The following TTL variants were observed in gnomAD, a reference collection of about 807,000 sequenced individuals.
The protein encoded by TTL is tubulin tyrosine ligase, also known as tubulin--tyrosine ligase.
In TTL, 10 loss-of-function variants were observed where a neutral mutation model predicts 41.1. The ratio of observed to expected loss-of-function variants is 0.24; its 90% CI spans 0.15 to 0.41. The LOEUF (loss-of-function observed/expected upper bound fraction) is 0.41. TTL is among the 10% of genes least tolerant of loss of function. The pLI, the probability that TTL is intolerant of heterozygous loss-of-function variation, is 1.00. For missense variants in TTL, 367 were observed against 460.4 expected, an observed-to-expected ratio of 0.80 and a Z score of 1.86; for synonymous variants, 175 against 175.5, an observed-to-expected ratio of 1.00 and a Z score of 0.02.
intron 5 of TTL, among the ~76,000 whole-genome samples, chr2:112,509,635 C>T (rs909250061): frequency 6.6e-6 from 1 of 152,192 alleles, no homozygotes; most frequent in South Asian, 2.1e-4. Context: ...TGACCCCTTG[C>T]GCTTCCCAGG....
At chr2:112,498,765 CATG>C in intron 3 of TTL, among the ~76,000 whole-genome samples, 1 of 151,758 alleles carries the variant, frequency 6.6e-6, no homozygotes, top group East Asian at 2.0e-4. Context: ...ATTAGCCAGG[CATG>C]GTGGCGGGCG....
At chr2:112,518,707 CT>C (rs573698508) in intron 5 of TTL, among the ~76,000 whole-genome samples, 22 of 144,816 alleles carry the variant, frequency 1.5e-4, no homozygotes, top group Non-Finnish European at 3.2e-4. Flanking sequence ...CAGAATTTTG[CT>C]CTTTCACCCA....
At position 112,541,002 on chromosome 2, in the gene TTL, A is replaced by G. The variant is rs1682715956; in HGVS notation, c.*12207A>G. On this transcript the variant is annotated 3_prime_UTR_variant, in exon 7 of 7. Coordinates refer to ENST00000233336, the MANE Select transcript of TTL (RefSeq NM_153712.5). Reference sequence around the variant, plus strand: ...CTTCAAAAATAACTGAGGAAGTACAATTGGAATGTTCATGACAGAAATGAT... The same window carrying G: ...CTTCAAAAATAACTGAGGAAGTACAGTTGGAATGTTCATGACAGAAATGAT... The G allele has an allele frequency of 6.6e-6, 1 of 152,250 alleles. No individual in the cohort carries two copies. The highest frequency in any genetic ancestry group is 2.4e-5 in the African/African-American group (1 of 41,462). 9.4% of individuals were successfully genotyped at this position (152,250 alleles called of 1,614,324 possible).
rs1682566955 is a variant in TTL at position 112,534,638 on chromosome 2, G to A, written c.*5843G>A. The stretch of plus-strand genomic sequence containing the variant: ...CCCAGTGTGAACAACCTTTTCCCTG[G>A]GTGCATTTGTCAAAAAAAATCAACA... On this transcript the variant is annotated 3_prime_UTR_variant, in exon 7 of 7. Transcript: ENST00000233336. 1 of 152,030 alleles carries A rather than the reference G, an allele frequency of 6.6e-6. No individual in the cohort carries two copies. The highest frequency in any genetic ancestry group is 2.4e-5 in the African/African-American group (1 of 41,386). The allele number at this position is 152,030 out of a possible 1,614,324, so 9.4% of individuals were successfully genotyped here.
At chr2:112,513,305 C>T (rs898505873) in intron 5 of TTL, among the ~76,000 whole-genome samples, 2 of 151,972 alleles carry the variant, frequency 1.3e-5, no homozygotes, top group Non-Finnish European at 2.9e-5. Context: ...TTTATATTTA[C>T]CCAGATACTA....
In TTL at chr2:112,507,731, C is replaced by T. The variant is rs895727914; in HGVS notation, c.875+4550C>T. On this transcript the variant is annotated intron_variant, in intron 5 of 6. Coordinates refer to ENST00000233336, the MANE Select transcript of TTL (RefSeq NM_153712.5). Reference sequence around the variant, plus strand: ...GTGTCTCTGCACGTGAGATGGGTTTCCTGAATACAGCACACTGATGGGTCT... The same window carrying T: ...GTGTCTCTGCACGTGAGATGGGTTTTCTGAATACAGCACACTGATGGGTCT... Among the ~76,000 whole-genome samples the T allele has an allele frequency of 3.9e-3, 584 of 150,562 alleles. 1 individual carries two copies. The highest frequency in any genetic ancestry group is 5.5e-3 in the Non-Finnish European group (371 of 67,850).
intron 3 of TTL, among the ~76,000 whole-genome samples, chr2:112,497,896 T>C (rs892255195): frequency 6.6e-6 from 1 of 152,184 alleles, no homozygotes; most frequent in Non-Finnish European, 1.5e-5. Context: ...TTTATTAAAA[T>C]GGTTATAATA....
chr2:112,509,585 C>T (rs962358713), intron 5 of TTL, among the ~76,000 whole-genome samples: 15 of 152,164 alleles, frequency 9.9e-5, no homozygotes, highest in Middle Eastern at 3.4e-3. Context: ...TTTCCAGGTG[C>T]GTCTGTCACC....
rs1682533647 is a variant in TTL, at chr2:112,532,632, T to A, written c.*3837T>A. On this transcript the variant is annotated 3_prime_UTR_variant, in exon 7 of 7. Transcript: ENST00000233336. ...CCCTGTCTCAAAAGTAAATAAATAA[T>A]AAAGTAAATATAAATCCATGATGCC... The A allele has an allele frequency of 5.4e-6, 1 of 183,510 alleles. No individual in the cohort carries two copies. The highest frequency in any genetic ancestry group is 2.4e-5 in the African/African-American group (1 of 42,520). 11.4% of individuals were successfully genotyped at this position (183,510 alleles called of 1,614,324 possible).
Position 112,531,909 on chromosome 2 carries a change from A to T in TTL, c.*3114A>T, listed in dbSNP as rs1682517485. On this transcript the variant is annotated 3_prime_UTR_variant, in exon 7 of 7. Coordinates refer to ENST00000233336, the MANE Select transcript of TTL (RefSeq NM_153712.5). ...GAAATTATAAATCTGCTAAATATGT[A>T]TTAAGGGTATTAATTATTGAAAGTC... 2 of 222,720 alleles carry T rather than the reference A, an allele frequency of 9.0e-6. No individual in the cohort carries two copies. Among genetic ancestry groups the T allele is most frequent in the African/African-American group, 4.5e-5 (2 of 44,860 alleles). 13.8% of individuals were successfully genotyped at this position (222,720 alleles called of 1,614,324 possible).
rs1681105716 is a variant in TTL at position 112,482,243 on chromosome 2, G to T, written c.-102G>T. 1.1e-6 allele frequency: 1 copy of T among 884,986 alleles called. No homozygotes were observed. The highest frequency in any genetic ancestry group is 1.3e-6 in the Non-Finnish European group (1 of 741,648). The allele number at this position is 884,986 out of a possible 1,614,324, so 54.8% of individuals were successfully genotyped here. A position where few individuals can be genotyped will look rare whatever the true frequency, so the allele number is the denominator to read the frequency against. On this transcript the variant is annotated 5_prime_UTR_variant, in exon 1 of 7. Transcript: ENST00000233336. The surrounding 1 kb of genome is among the most constrained non-coding windows in gnomAD (Gnocchi z 5.3). ...GTAGCCGGCGCGGGCGGCGGGGGCC[G>T]GGCCGCGGCGGGCGCCCGGGCGGGG... is the stretch of plus-strand genomic sequence containing the variant.
At chr2:112,515,679 G>A (rs575418650) in intron 5 of TTL, among the ~76,000 whole-genome samples, 8 of 152,232 alleles carry the variant, frequency 5.3e-5, no homozygotes, top group Middle Eastern at 3.4e-3. Flanking sequence ...CAGGTGCGAC[G>A]GCTCACGCCT....
At chr2:112,491,193 G>T (rs946445926) in intron 2 of TTL, among the ~76,000 whole-genome samples, 1 of 151,816 alleles carries the variant, frequency 6.6e-6, no homozygotes, top group Non-Finnish European at 1.5e-5. Context: ...GGGTTTCACC[G>T]CGTTAGCCAG....
intron 2 of TTL, among the ~76,000 whole-genome samples, chr2:112,492,273 C>T (rs1419791394): frequency 6.6e-6 from 1 of 152,194 alleles, no homozygotes; most frequent in African/African-American, 2.4e-5. Flanking sequence ...ATAATGCATC[C>T]GTTTTTAAAT....
intron 2 of TTL, among the ~76,000 whole-genome samples, chr2:112,486,726 C>T (rs892781855): frequency 6.6e-6 from 1 of 152,152 alleles, no homozygotes; most frequent in Non-Finnish European, 1.5e-5. Context: ...TTGGGCAGAT[C>T]TCCTCATCCC....
In TTL at chr2:112,482,556, C is replaced by T. The variant is rs1681119697; in HGVS notation, c.157+55C>T. Reference sequence around the variant, plus strand: ...TCCTCGGAGCGGCCCTGCGCGCCTCCCGCGGCCCGTTAGAACCGGCGCTTT... The same window carrying T: ...TCCTCGGAGCGGCCCTGCGCGCCTCTCGCGGCCCGTTAGAACCGGCGCTTT... On this transcript the variant is annotated intron_variant, in intron 1 of 6. Coordinates refer to ENST00000233336, the MANE Select transcript of TTL (RefSeq NM_153712.5). This position sits in a 1 kb window ranked among gnomAD's most constrained non-coding sequence, Gnocchi z 5.3. 1 of 1,517,468 alleles carries T rather than the reference C, an allele frequency of 6.6e-7. No homozygotes were observed. The highest frequency in any genetic ancestry group is 8.9e-7 in the Non-Finnish European group (1 of 1,129,316). 94.0% of individuals were successfully genotyped at this position (1,517,468 alleles called of 1,614,324 possible).
chr2:112,528,420 C>G (rs1682416927), intron 6 of TTL, among the ~76,000 whole-genome samples: 1 of 152,056 alleles, frequency 6.6e-6, no homozygotes, highest in South Asian at 2.1e-4. Flanking sequence ...GGCAACATAG[C>G]AAGACCCTGT....
chr2:112,518,971 G>T (rs57828299), intron 5 of TTL, among the ~76,000 whole-genome samples: 1 of 152,106 alleles, frequency 6.6e-6, no homozygotes, highest in African/African-American at 2.4e-5. Flanking sequence ...CACCGCGCCC[G>T]GCTGGCCCCT....
rs1682682007 is a variant in TTL, at chr2:112,540,034, T to A, written c.*11239T>A. The A allele has an allele frequency of 6.6e-6, 1 of 152,176 alleles. No homozygotes were observed. 9.4% of individuals were successfully genotyped at this position (152,176 alleles called of 1,614,324 possible). ...GAACACCTAAATAAATGGAAAGACA[T>A]CCCATGTTTATGGATTGGGAGATAA... On this transcript the variant is annotated 3_prime_UTR_variant, in exon 7 of 7. Transcript: ENST00000233336.
Sources: allele counts gnomAD v4.1 joint callset (sites outside exome capture counted in the v4.1 genomes callset), GRCh38; gene constraint gnomAD v4.1.1; non-coding constraint Gnocchi (gnomAD v3.1); transcripts MANE v1.5; gene names NCBI Gene and HGNC (gene_info 2026-07-23, HGNC 2026-07-21).